Variants in NUBPL observed in about 807,000 individuals in gnomAD.
The protein encoded by NUBPL is NUBP iron-sulfur cluster assembly factor, mitochondrial, also known as iron-sulfur cluster transfer protein NUBPL.
Under a neutral mutation model 45.7 loss-of-function variants are expected in NUBPL, and 31 were observed. That is an observed-to-expected ratio of 0.68 (90% confidence interval 0.51 to 0.92). NUBPL has a LOEUF of 0.92. NUBPL is among the 40% of genes least tolerant of loss of function. NUBPL has a pLI of 0.00. For synonymous variants in NUBPL, 144 were observed against 140.9 expected, an observed-to-expected ratio of 1.02 and a Z score of -0.15; for missense variants, 401 against 398.7, an observed-to-expected ratio of 1.01 and a Z score of -0.05.
intron 3 of NUBPL, among the ~76,000 whole-genome samples, chr14:31,573,428 C>T (rs1486140884): frequency 6.6e-6 from 1 of 152,160 alleles, no homozygotes; most frequent in Non-Finnish European, 1.5e-5. Flanking sequence ...CTAGTCTGGT[C>T]TGTCTGGTTT....
intron 7 of NUBPL, among the ~76,000 whole-genome samples, chr14:31,793,543 T>G (rs1173671147): frequency 1.3e-5 from 2 of 152,184 alleles, no homozygotes; most frequent in Non-Finnish European, 2.9e-5. Context: ...AGGGCTAGGC[T>G]GTTTTTCTTT....
intron 6 of NUBPL, among the ~76,000 whole-genome samples, chr14:31,740,400 CAT>C (rs2038257989): frequency 6.6e-6 from 1 of 152,138 alleles, no homozygotes; most frequent in African/African-American, 2.4e-5. Context: ...TCCATGATGA[CAT>C]ATAATATGAA....
At chr14:31,841,828 T>C (rs1330930887) in intron 8 of NUBPL, among the ~76,000 whole-genome samples, 3 of 151,708 alleles carry the variant, frequency 2.0e-5, no homozygotes, top group Non-Finnish European at 4.4e-5. Context: ...TTAAGATTCA[T>C]TATTTTATAT....
intron 6 of NUBPL, among the ~76,000 whole-genome samples, chr14:31,674,550 C>G (rs376565196): frequency 1.1e-4 from 17 of 152,204 alleles, no homozygotes; most frequent in African/African-American, 4.1e-4. Context: ...TTAAAATCCC[C>G]AAACCACCCC....
At chr14:31,608,520 C>T (rs1040878283) in intron 4 of NUBPL, among the ~76,000 whole-genome samples, 1 of 152,022 alleles carries the variant, frequency 6.6e-6, no homozygotes, top group African/African-American at 2.4e-5. Flanking sequence ...TGCCACTGCA[C>T]TCCAGCCTGG....
chr14:31,740,606 T>A (rs1357125124), intron 6 of NUBPL, among the ~76,000 whole-genome samples: 1 of 152,228 alleles, frequency 6.6e-6, no homozygotes, highest in Non-Finnish European at 1.5e-5. Context: ...TTGGCTTGTC[T>A]TCTCATTCTT....
intron 7 of NUBPL, among the ~76,000 whole-genome samples, chr14:31,802,723 G>A (rs1181117964): frequency 1.3e-5 from 2 of 152,174 alleles, no homozygotes; most frequent in East Asian, 1.9e-4. Context: ...CAGATATTGT[G>A]TTATGGCAAA....
At chr14:31,635,065 T>G (rs879386772) in intron 4 of NUBPL, among the ~76,000 whole-genome samples, 486 of 148,872 alleles carry the variant, frequency 3.3e-3, no homozygotes, top group Non-Finnish European at 5.7e-3. Flanking sequence ...TGGTAGTTTC[T>G]TTTGCTGTGC....
intron 4 of NUBPL, among the ~76,000 whole-genome samples, chr14:31,643,512 G>A (rs1423126382): frequency 2.6e-5 from 4 of 151,474 alleles, no homozygotes; most frequent in African/African-American, 7.4e-5. Flanking sequence ...CTTATTCATG[G>A]TGAATGATAT....
intron 6 of NUBPL, among the ~76,000 whole-genome samples, chr14:31,786,394 A>C (rs543374319): frequency 7.2e-5 from 11 of 152,338 alleles, no homozygotes; most frequent in African/African-American, 2.6e-4. Flanking sequence ...TAAATGAATG[A>C]TAACCTTCTC....
intron 9 of NUBPL, among the ~76,000 whole-genome samples, chr14:31,848,221 A>G (rs1173103271): frequency 1.3e-5 from 2 of 152,262 alleles, no homozygotes; most frequent in East Asian, 3.8e-4. Flanking sequence ...AAAATCATTT[A>G]GAATTCCTCG....
intron 8 of NUBPL, among the ~76,000 whole-genome samples, chr14:31,835,349 AC>A (rs1358238352): frequency 6.6e-6 from 1 of 152,128 alleles, no homozygotes; most frequent in Admixed American, 6.5e-5. Context: ...CCTTATACAA[AC>A]CAGTCACTCA....
In NUBPL at chr14:31,852,104, G is replaced by T. The variant is rs147567775; in HGVS notation, c.897+1903G>T. Among the ~76,000 whole-genome samples, 736 of 152,326 alleles carry T rather than the reference G, an allele frequency of 4.8e-3. 3 individuals are homozygous for T. Among genetic ancestry groups the T allele is most frequent in the Non-Finnish European group, 6.4e-3 (432 of 68,030 alleles). ...GGGTACCAAGTTTGCCACTTTCGAT[G>T]TGTGACCTAAAGCAAGTTTTCTAAC... On this transcript the variant is annotated intron_variant, in intron 10 of 10. Coordinates refer to ENST00000281081, the MANE Select transcript of NUBPL (RefSeq NM_025152.3).
chr14:31,745,208 C>A (rs1366125057), intron 6 of NUBPL, among the ~76,000 whole-genome samples: 4 of 152,164 alleles, frequency 2.6e-5, no homozygotes, highest in East Asian at 1.9e-4. Flanking sequence ...CCGCTCTCCC[C>A]ACCCCACGAC....
chr14:31,746,748 T>G (rs1281666798), intron 6 of NUBPL, among the ~76,000 whole-genome samples: 1 of 151,890 alleles, frequency 6.6e-6, no homozygotes, highest in Non-Finnish European at 1.5e-5. Context: ...TTTGAAATAC[T>G]TTGAGAGGAA....
chr14:31,841,929 T>TTG (rs1566593616), intron 8 of NUBPL, among the ~76,000 whole-genome samples: 3 of 121,458 alleles, frequency 2.5e-5, no homozygotes, highest in East Asian at 2.2e-4. Context: ...TTTTTTTTTT[T>TTG]TTTTTTTTTT....
intron 6 of NUBPL, among the ~76,000 whole-genome samples, chr14:31,715,177 G>A (rs988525558): frequency 2.0e-5 from 3 of 152,224 alleles, no homozygotes; most frequent in East Asian, 3.9e-4. Flanking sequence ...TCTACTGATC[G>A]TAAAGTTTCC....
chr14:31,751,184 C>G (rs2038520180), intron 6 of NUBPL, among the ~76,000 whole-genome samples: 1 of 152,132 alleles, frequency 6.6e-6, no homozygotes, highest in Non-Finnish European at 1.5e-5. Context: ...TCATTTGGCC[C>G]CTGGTCCCTC....
At chr14:31,625,557 C>T (rs2035184923) in intron 4 of NUBPL, among the ~76,000 whole-genome samples, 1 of 150,552 alleles carries the variant, frequency 6.6e-6, no homozygotes, top group African/African-American at 2.4e-5. Context: ...CTCACTGCAA[C>T]CTCTGCTTCC....
Sources: allele counts gnomAD v4.1 joint callset (sites outside exome capture counted in the v4.1 genomes callset), GRCh38; gene constraint gnomAD v4.1.1; transcripts MANE v1.5; gene names NCBI Gene and HGNC (gene_info 2026-07-23, HGNC 2026-07-21).